Variants in FAHD1 observed in about 807,000 individuals in gnomAD.
FAHD1 encodes FAH domain containing oxaloacetate decarboxylase 1.
FAHD1 carries 14 observed loss-of-function variants against 12.7 expected under a neutral mutation model. That is an observed-to-expected ratio of 1.10 (90% CI 0.73 to 1.72). The LOEUF (loss-of-function observed/expected upper bound fraction) is 1.72, where lower values mean the gene tolerates loss of function less well. Ranked by LOEUF, FAHD1 falls within the 40% of genes most tolerant of loss-of-function variation. The probability of loss-of-function intolerance (pLI) is 0.00; values close to 1 mark genes in which losing one functional copy is unlikely to be tolerated. For synonymous variants in FAHD1, 153 were observed against 124.9 expected, an observed-to-expected ratio of 1.22 and a Z score of -1.50; for missense variants, 351 against 298.9, an observed-to-expected ratio of 1.17 and a Z score of -1.29.
chr16:1,827,755 G>C (rs766755458), exon 1 of FAHD1: 1 of 1,614,008 alleles, frequency 6.2e-7, no homozygotes, highest in Non-Finnish European at 8.5e-7. Flanking sequence ...CATCAGCTAT[G>C]TTTCTAAGAT....
exon 1 of FAHD1, chr16:1,827,221 G>C: frequency 6.3e-7 from 1 of 1,594,438 alleles, no homozygotes; most frequent in Non-Finnish European, 8.6e-7. Context: ...GTGACTACAG[G>C]GGCACTTGAT....
downstream of FAHD1, among the ~76,000 whole-genome samples, chr16:1,833,354 T>C (rs72762865): frequency 0.18 from 26,915 of 151,758 alleles, 2,526 homozygotes; most frequent in South Asian, 0.27. Flanking sequence ...CCAGCAAGCC[T>C]CCACAAGCAC....
At chr16:1,839,690 C>G in exon 3 of FAHD1, 1 of 410,044 alleles carries the variant, frequency 2.4e-6, no homozygotes, top group Non-Finnish European at 4.4e-6. Flanking sequence ...TCTGCCAAGC[C>G]CTCGAGGTCC....
intron 1 of FAHD1, among the ~76,000 whole-genome samples, chr16:1,836,256 G>C (rs1898744667): frequency 6.6e-6 from 1 of 152,132 alleles, no homozygotes; most frequent in South Asian, 2.1e-4. Flanking sequence ...GCACGAAGCA[G>C]CTTGTCCATA....
chr16:1,836,874 A>G (rs1898760950), intron 1 of FAHD1, among the ~76,000 whole-genome samples: 1 of 152,242 alleles, frequency 6.6e-6, no homozygotes, highest in African/African-American at 2.4e-5. Flanking sequence ...TTCAGTATTA[A>G]GCTGCAGTAC....
chr16:1,830,603 T>C (rs752180578), downstream of FAHD1, among the ~76,000 whole-genome samples: 14 of 152,312 alleles, frequency 9.2e-5, no homozygotes, highest in Non-Finnish European at 1.5e-4. Context: ...GTCACAAACA[T>C]TGACATCAGC....
downstream of FAHD1, among the ~76,000 whole-genome samples, chr16:1,829,584 T>C (rs1567268755): frequency 6.6e-6 from 1 of 152,212 alleles, no homozygotes; most frequent in East Asian, 1.9e-4. Flanking sequence ...CATGCTTAAA[T>C]TATAATATAG....
At chr16:1,827,502 G>A in exon 1 of FAHD1, 2 of 1,612,980 alleles carry the variant, frequency 1.2e-6, no homozygotes, top group Non-Finnish European at 1.7e-6. Flanking sequence ...CTGCGGCCAT[G>A]GACTACGTGG....
At chr16:1,827,646 G>T in exon 1 of FAHD1, 1 of 1,614,104 alleles carries the variant, frequency 6.2e-7, no homozygotes, top group Non-Finnish European at 8.5e-7. Flanking sequence ...CCAAGGAGAA[G>T]ATCCCTGACC....
chr16:1,837,112 C>G (rs770620223), intron 1 of FAHD1, among the ~76,000 whole-genome samples: 1 of 152,118 alleles, frequency 6.6e-6, no homozygotes, highest in Non-Finnish European at 1.5e-5. Flanking sequence ...AACACAAAGA[C>G]TCGAGGATCC....
downstream of FAHD1, among the ~76,000 whole-genome samples, chr16:1,830,855 G>A (rs371732215): frequency 2.5e-4 from 37 of 150,926 alleles, no homozygotes; most frequent in African/African-American, 8.1e-4. Flanking sequence ...CTGGTCCTAC[G>A]TCTCTCCCTT....
At chr16:1,840,200 G>GA (rs1297559842) in exon 3 of FAHD1, 2 of 151,912 alleles carry the variant, frequency 1.3e-5, no homozygotes, top group Non-Finnish European at 2.9e-5. Context: ...AAATGTACAG[G>GA]AAAAAAATTA....
chr16:1,838,370 G>A (rs906343735), intron 2 of FAHD1, among the ~76,000 whole-genome samples: 1 of 152,138 alleles, frequency 6.6e-6, no homozygotes, highest in Admixed American at 6.6e-5. Flanking sequence ...AGGTAATCAG[G>A]TATCTCAGCA....
downstream of FAHD1, among the ~76,000 whole-genome samples, chr16:1,832,047 CT>C (rs923627000): frequency 5.9e-5 from 9 of 152,054 alleles, no homozygotes; most frequent in Non-Finnish European, 1.0e-4. Context: ...ATGGTTTGCA[CT>C]TTGAAATTTT....
rs571513832 is a variant in FAHD1, at chr16:1,834,110, G to T, written c.628-3906G>T. 11 of 583,978 alleles carry T rather than the reference G, an allele frequency of 1.9e-5. No individual in the cohort carries two copies. The South Asian group carries it at 2.5e-4, about 13-fold the overall frequency. 36.2% of individuals were successfully genotyped at this position (583,978 alleles called of 1,614,324 possible). A position where few individuals can be genotyped will look rare whatever the true frequency, so the allele number is the denominator to read the frequency against. ...TGAGAGAGGCCTTCAGACTCACCCA[G>T]ACCACCTCCACCATAACAATTTCTA... On this transcript the variant is annotated intron_variant, in intron 1 of 2. Transcript: ENST00000382666.
At chr16:1,834,198 C>T in intron 1 of FAHD1, 1 of 859,038 alleles carries the variant, frequency 1.2e-6, no homozygotes, top group South Asian at 1.5e-5. Context: ...ATTAATATTC[C>T]ATTTTAAAGG....
downstream of FAHD1, among the ~76,000 whole-genome samples, chr16:1,832,646 G>A (rs1898645214): frequency 6.6e-6 from 1 of 152,078 alleles, no homozygotes; most frequent in South Asian, 2.1e-4. Context: ...AATTAACCGA[G>A]TAAGGTGGCT....
chr16:1,830,008 C>T (rs1011329026), downstream of FAHD1, among the ~76,000 whole-genome samples: 1 of 152,132 alleles, frequency 6.6e-6, no homozygotes, highest in Admixed American at 6.5e-5. Flanking sequence ...AGATTACAGG[C>T]ATACGCCACC....
At chr16:1,831,900 G>A (rs1394460089), downstream of FAHD1, among the ~76,000 whole-genome samples, 2 of 151,860 alleles carry the variant, frequency 1.3e-5, no homozygotes, top group African/African-American at 2.4e-5. Flanking sequence ...AACCATCCCC[G>A]CCCCCCGACC....
Sources: allele counts gnomAD v4.1 joint callset (sites outside exome capture counted in the v4.1 genomes callset), GRCh38; gene constraint gnomAD v4.1.1; transcripts MANE v1.5; gene names NCBI Gene and HGNC (gene_info 2026-07-23, HGNC 2026-07-21).